The following ERCC8 variants were observed in gnomAD, a reference collection of about 807,000 sequenced individuals.
ERCC8 encodes the protein DNA excision repair protein ERCC-8.
In ERCC8, 52 loss-of-function variants were observed where a neutral mutation model predicts 54.9. The observed-to-expected ratio is 0.95, with a 90% CI of 0.76 to 1.19. The LOEUF is 1.19. Among genes scored for constraint, ERCC8 ranks in the 50% most tolerant of loss-of-function variants. The pLI, the probability that ERCC8 is intolerant of heterozygous loss-of-function variation, is 0.00. For missense variants in ERCC8, 514 were observed against 466.1 expected (o/e 1.10, Z -0.95); for synonymous variants, 146 against 157.2 (o/e 0.93, Z 0.53).
rs1748780838 is a variant in ERCC8 at position 60,898,432 on chromosome 5, T to C, written c.719-32A>G. ...TGAAAAACATAGTTCAGTTTATCTG[T>C]TCTTGTATTCAGGACATATTTAATG... is the stretch of plus-strand genomic sequence containing the variant. On this transcript the variant is annotated intron_variant, in intron 8 of 11. Coordinates refer to ENST00000676185, the MANE Select transcript of ERCC8 (RefSeq NM_000082.4). The C allele has an allele frequency of 2.5e-6, 4 of 1,611,752 alleles. No homozygotes were observed. The South Asian group carries it at 3.3e-5, about 13-fold the overall frequency.
At chr5:60,896,225 T>G (rs1028487171) in intron 9 of ERCC8, among the ~76,000 whole-genome samples, 1 of 151,906 alleles carries the variant, frequency 6.6e-6, no homozygotes, top group African/African-American at 2.4e-5. Flanking sequence ...TAATATTTCT[T>G]TTTTGTTTGA....
rs566606258 is a variant in ERCC8 at position 60,894,151 on chromosome 5, A to G, written c.844-3065T>C. 8.2e-4 allele frequency among the ~76,000 whole-genome samples: 125 copies of G among 151,724 alleles called. 1 individual carries two copies. The highest frequency in any genetic ancestry group is 2.1e-4 in the Non-Finnish European group (14 of 67,928). ...AGGCGACCGCCACCACGCCCGGCTA[A>G]TTTTTTGTATTTTTAGTAGACACGG... On this transcript the variant is annotated intron_variant, in intron 9 of 11. Transcript: ENST00000676185.
intron 10 of ERCC8, among the ~76,000 whole-genome samples, chr5:60,888,904 T>G (rs1424388143): frequency 1.3e-5 from 2 of 152,214 alleles, no homozygotes; most frequent in Non-Finnish European, 2.9e-5. Flanking sequence ...CATTATTTGT[T>G]CCAATACTGT....
At chr5:60,878,882 G>C (rs1414585000) in intron 11 of ERCC8, among the ~76,000 whole-genome samples, 1 of 152,088 alleles carries the variant, frequency 6.6e-6, no homozygotes, top group Non-Finnish European at 1.5e-5. Context: ...GTTCTGCTCT[G>C]ACCTTAGTTA....
chr5:60,922,789 T>C (rs2112523838), intron 2 of ERCC8, among the ~76,000 whole-genome samples: 1 of 152,262 alleles, frequency 6.6e-6, no homozygotes, highest in African/African-American at 2.4e-5. Context: ...AAGGCAGGCA[T>C]GGTTCCTGTC....
intron 10 of ERCC8, 27 bp downstream of exon 10, chr5:60,890,862 C>A: frequency 6.4e-7 from 1 of 1,556,566 alleles, no homozygotes; most frequent in South Asian, 1.1e-5. Context: ...GCTAGCTGAA[C>A]ATTTTAAATT....
intron 4 of ERCC8, among the ~76,000 whole-genome samples, chr5:60,911,275 T>C (rs562684156): frequency 3.9e-5 from 6 of 152,098 alleles, no homozygotes; most frequent in Non-Finnish European, 8.8e-5. Flanking sequence ...CCTGACTTTT[T>C]AATAATCGCC....
At chr5:60,917,325 T>A (rs1041327403) in intron 4 of ERCC8, among the ~76,000 whole-genome samples, 7 of 151,540 alleles carry the variant, frequency 4.6e-5, no homozygotes, top group Middle Eastern at 6.8e-3. Flanking sequence ...CACGATCAGT[T>A]TAGTTGCAGC....
chr5:60,879,191 C>G (rs1200647347), intron 11 of ERCC8, among the ~76,000 whole-genome samples: 1 of 152,210 alleles, frequency 6.6e-6, no homozygotes, highest in Non-Finnish European at 1.5e-5. Flanking sequence ...GAGTGAGTTT[C>G]TTAATCCTGA....
chr5:60,929,023 A>T, intron 1 of ERCC8, 64 bp from the exon 2 acceptor site: 1 of 957,554 alleles, frequency 1.0e-6, no homozygotes, highest in South Asian at 1.3e-5. Flanking sequence ...TTTCTTATTT[A>T]ACCAAGATTA....
At chr5:60,901,110 C>T (rs1382327649) in intron 7 of ERCC8, among the ~76,000 whole-genome samples, 1 of 151,350 alleles carries the variant, frequency 6.6e-6, no homozygotes, top group Non-Finnish European at 1.5e-5. Context: ...GAATAGCTTT[C>T]GTAATAATTC....
chr5:60,883,625 GGCAACTCTCAGGTTGTCA>G (rs1185179164), intron 11 of ERCC8, among the ~76,000 whole-genome samples: 1 of 152,144 alleles, frequency 6.6e-6, no homozygotes, highest in Admixed American at 6.5e-5. Context: ...GGTAATTAGT[GGCAACTCTCAGGTTGTCA>G]GCAAGTGATT....
At chr5:60,910,386 T>A (rs1034075705) in intron 4 of ERCC8, among the ~76,000 whole-genome samples, 1 of 152,198 alleles carries the variant, frequency 6.6e-6, no homozygotes, top group African/African-American at 2.4e-5. Context: ...CATATGAACA[T>A]TAGAATTAGC....
At chr5:60,918,902 T>C (rs1749518433) in intron 3 of ERCC8, among the ~76,000 whole-genome samples, 1 of 151,992 alleles carries the variant, frequency 6.6e-6, no homozygotes, top group Non-Finnish European at 1.5e-5. Flanking sequence ...ACATCTTATG[T>C]AACCCACCAT....
In ERCC8 at chr5:60,872,103, T is replaced by C. The variant is rs1747875461; in HGVS notation, c.*2512A>G. Among the ~76,000 whole-genome samples, 5 of 152,166 alleles carry C rather than the reference T, an allele frequency of 3.3e-5. No homozygotes were observed. Among genetic ancestry groups the C allele is most frequent in the African/African-American group, 1.2e-4 (5 of 41,446 alleles). Reference sequence around the variant, plus strand: ...ACCACCGTGCCCGGCCAATAGCTTTTTCAAACTAGCTTTTTCAAAGGTCAA... The same window carrying C: ...ACCACCGTGCCCGGCCAATAGCTTTCTCAAACTAGCTTTTTCAAAGGTCAA... On this transcript the variant is annotated 3_prime_UTR_variant, in exon 12 of 12. Transcript: ENST00000676185.
At chr5:60,877,758 A>G (rs531396959) in intron 11 of ERCC8, among the ~76,000 whole-genome samples, 38 of 152,304 alleles carry the variant, frequency 2.5e-4, no homozygotes, top group Admixed American at 2.2e-3. Flanking sequence ...TTATCAGCTT[A>G]AGGAGATTTT....
At chr5:60,879,900 C>A (rs1748150615) in intron 11 of ERCC8, among the ~76,000 whole-genome samples, 1 of 152,182 alleles carries the variant, frequency 6.6e-6, no homozygotes, top group Non-Finnish European at 1.5e-5. Flanking sequence ...GAATTTGATC[C>A]TGTCATGATG....
intron 11 of ERCC8, among the ~76,000 whole-genome samples, chr5:60,878,361 G>C (rs960937650): frequency 3.3e-5 from 5 of 152,082 alleles, no homozygotes; most frequent in African/African-American, 1.2e-4. Context: ...GCCAGGCTTT[G>C]GTATCAGGAT....
chr5:60,912,076 CTCT>C (rs918888402), intron 4 of ERCC8, among the ~76,000 whole-genome samples: 10 of 152,082 alleles, frequency 6.6e-5, no homozygotes, highest in African/African-American at 2.4e-4. Context: ...GTAATGCGGG[CTCT>C]TTTTTGGTTT....
Sources: gnomAD v4.1 joint callset for allele counts (sites outside exome capture counted in the v4.1 genomes callset) on GRCh38, gnomAD v4.1.1 for gene constraint, MANE v1.5 for transcripts, NCBI Gene and HGNC (gene_info 2026-07-23, HGNC 2026-07-21) for gene names.